Variants in STAG1 observed in about 807,000 individuals in gnomAD.
STAG1 encodes the protein cohesin subunit SA-1.
Under a neutral mutation model 170.9 loss-of-function variants are expected in STAG1, and 26 were observed. That is an observed-to-expected ratio of 0.15 (90% CI 0.11 to 0.21). The LOEUF is 0.21. Ranked by LOEUF, STAG1 falls within the 10% of genes least tolerant of loss-of-function variation. STAG1 has a pLI of 1.00. For synonymous variants in STAG1, 514 were observed against 497.7 expected, an observed-to-expected ratio of 1.03 and a Z score of -0.44; for missense variants, 964 against 1,509.5, an observed-to-expected ratio of 0.64 and a Z score of 5.99.
intron 1 of STAG1, among the ~76,000 whole-genome samples, chr3:136,721,015 T>G (rs2107929123): frequency 6.6e-6 from 1 of 152,346 alleles, no homozygotes; most frequent in Admixed American, 6.5e-5. Context: ...GCTAATAAAT[T>G]GACTAATCTG....
At chr3:136,536,052 T>C (rs1935605720) in intron 6 of STAG1, among the ~76,000 whole-genome samples, 1 of 152,150 alleles carries the variant, frequency 6.6e-6, no homozygotes, top group Admixed American at 6.6e-5. Flanking sequence ...ATATCCTCAA[T>C]AAATACTTTA....
intron 5 of STAG1, among the ~76,000 whole-genome samples, chr3:136,555,659 G>A (rs1936585023): frequency 6.6e-6 from 1 of 151,850 alleles, no homozygotes; most frequent in Non-Finnish European, 1.5e-5. Context: ...ACTCCAGCCT[G>A]GGCTACAGAG....
At chr3:136,468,673 C>G (rs925392547) in intron 12 of STAG1, among the ~76,000 whole-genome samples, 12 of 151,974 alleles carry the variant, frequency 7.9e-5, no homozygotes, top group East Asian at 1.9e-4. Context: ...CCCTGGCAGA[C>G]ACATAACAAA....
intron 1 of STAG1, among the ~76,000 whole-genome samples, chr3:136,709,308 CAG>C (rs1015897367): frequency 1.3e-4 from 19 of 151,466 alleles, no homozygotes; most frequent in African/African-American, 4.6e-4. Flanking sequence ...CAAAAAAAGA[CAG>C]GGTCTCATTA....
intron 9 of STAG1, among the ~76,000 whole-genome samples, chr3:136,489,271 T>G (rs1256469808): frequency 6.6e-6 from 1 of 152,218 alleles, no homozygotes; most frequent in Non-Finnish European, 1.5e-5. Flanking sequence ...CATAACCCTT[T>G]AATATGGTAT....
At chr3:136,437,662 T>C (rs945857132) in intron 15 of STAG1, among the ~76,000 whole-genome samples, 1 of 152,216 alleles carries the variant, frequency 6.6e-6, no homozygotes, top group African/African-American at 2.4e-5. Flanking sequence ...ATGATTTGTG[T>C]AGTCTTTTTT....
intron 1 of STAG1, among the ~76,000 whole-genome samples, chr3:136,749,914 A>T (rs1220237328): frequency 2.7e-5 from 4 of 145,716 alleles, no homozygotes; most frequent in Non-Finnish European, 6.2e-5. Flanking sequence ...TGCATTAAAA[A>T]AAAAAAGAAA....
chr3:136,376,462 C>T (rs1372879067), intron 23 of STAG1, among the ~76,000 whole-genome samples: 1 of 152,126 alleles, frequency 6.6e-6, no homozygotes, highest in Non-Finnish European at 1.5e-5. Context: ...ATATGCCCAC[C>T]TGCTTACCAA....
chr3:136,682,151 T>C (rs898949030), intron 1 of STAG1, among the ~76,000 whole-genome samples: 1 of 152,046 alleles, frequency 6.6e-6, no homozygotes, highest in African/African-American at 2.4e-5. Context: ...TTCTCTAAAA[T>C]ATATATACCG....
chr3:136,627,922 T>C (rs1274000832), intron 2 of STAG1, among the ~76,000 whole-genome samples: 3 of 152,190 alleles, frequency 2.0e-5, no homozygotes, highest in Non-Finnish European at 4.4e-5. Flanking sequence ...GTCTCCTTGT[T>C]TCTAGTGTTG....
intron 30 of STAG1, among the ~76,000 whole-genome samples, chr3:136,342,150 G>A (rs1936005375): frequency 6.6e-6 from 1 of 151,508 alleles, no homozygotes; most frequent in Admixed American, 6.6e-5. Flanking sequence ...CTCCCGAGTA[G>A]CTGGGACTAC....
In STAG1 at chr3:136,675,155, T is replaced by G. The variant is rs117709231; in HGVS notation, c.-83-44174A>C. On this transcript the variant is annotated intron_variant, in intron 1 of 33. Transcript: ENST00000383202. The stretch of plus-strand genomic sequence containing the variant: ...CAGGAAAGCTCACTGTGGCAGAAAC[T>G]TTCTGGCCAAAATCTAATTCCCTTA... Among the ~76,000 whole-genome samples, 503 of 152,320 alleles carry G rather than the reference T, an allele frequency of 3.3e-3. 8 individuals are homozygous for G. In the East Asian group the frequency reaches 0.048, roughly 14 times the overall value.
chr3:136,430,704 T>C (rs931407274), intron 16 of STAG1, among the ~76,000 whole-genome samples: 2 of 151,524 alleles, frequency 1.3e-5, no homozygotes, highest in Non-Finnish European at 2.9e-5. Context: ...TTCAAAGCTG[T>C]CCTGGGCCAC....
At chr3:136,569,409 T>C (rs1937190881) in intron 4 of STAG1, among the ~76,000 whole-genome samples, 1 of 129,270 alleles carries the variant, frequency 7.7e-6, no homozygotes, top group Admixed American at 7.8e-5. Context: ...CTGTAGCCAA[T>C]CCAAAAAAAA....
chr3:136,747,598 C>A (rs1457338416), intron 1 of STAG1, among the ~76,000 whole-genome samples: 3 of 151,664 alleles, frequency 2.0e-5, no homozygotes, highest in Admixed American at 6.6e-5. Flanking sequence ...CCACCTGAGC[C>A]TGGGGAGGTT....
At chr3:136,413,740 G>A (rs2087694995) in intron 21 of STAG1, among the ~76,000 whole-genome samples, 1 of 152,146 alleles carries the variant, frequency 6.6e-6, no homozygotes, top group Non-Finnish European at 1.5e-5. Context: ...TTACAGGTGT[G>A]TGCCACCATG....
intron 1 of STAG1, among the ~76,000 whole-genome samples, chr3:136,644,084 C>T (rs558827962): frequency 7.9e-5 from 12 of 152,116 alleles, no homozygotes; most frequent in Non-Finnish European, 1.6e-4. Flanking sequence ...CAGTAAACCA[C>T]ACCAATAACA....
chr3:136,370,608 G>C (rs185179775), intron 23 of STAG1, among the ~76,000 whole-genome samples: 1 of 152,260 alleles, frequency 6.6e-6, no homozygotes, highest in East Asian at 1.9e-4. Context: ...AGAACACGCA[G>C]TGTTTGGTTT....
intron 14 of STAG1, 108 bp downstream of exon 14, chr3:136,451,925 T>G: frequency 5.6e-6 from 4 of 719,388 alleles, no homozygotes; most frequent in Non-Finnish European, 8.9e-6. Context: ...AAGGTAACTT[T>G]ATAAGAAACA....
Sources: allele counts gnomAD v4.1 joint callset (sites outside exome capture counted in the v4.1 genomes callset), GRCh38; gene constraint gnomAD v4.1.1; transcripts MANE v1.5; gene names NCBI Gene and HGNC (gene_info 2026-07-23, HGNC 2026-07-21).